TRIM27: variants seen among roughly 807,000 people sequenced by gnomAD.
TRIM27 encodes tripartite motif containing 27.
TRIM27 carries 12 observed loss-of-function variants against 57.6 expected under a neutral mutation model. The observed-to-expected ratio is 0.21, with a 90% CI of 0.13 to 0.34. The LOEUF (loss-of-function observed/expected upper bound fraction) is 0.34, where lower values mean the gene tolerates loss of function less well. Ranked by LOEUF, TRIM27 falls within the 10% of genes least tolerant of loss-of-function variation. The probability of loss-of-function intolerance (pLI) is 1.00; values close to 1 mark genes in which losing one functional copy is unlikely to be tolerated. For missense variants in TRIM27, 403 were observed against 656.8 expected, an observed-to-expected ratio of 0.61 and a Z score of 4.22; for synonymous variants, 266 against 259.0, an observed-to-expected ratio of 1.03 and a Z score of -0.26.
chr6:28,904,737 A>G lies in TRIM27; in HGVS notation c.947-72T>C. 2 of 1,101,266 alleles carry G rather than the reference A, an allele frequency of 1.8e-6. No individual in the cohort carries two copies. Among genetic ancestry groups the G allele is most frequent in the Non-Finnish European group, 2.6e-6 (2 of 783,028 alleles). 68.2% of individuals were successfully genotyped at this position (1,101,266 alleles called of 1,614,324 possible). A position where few individuals can be genotyped will look rare whatever the true frequency, so the allele number is the denominator to read the frequency against. ...ATTTTAGAACACCCAGCGCCTTTCT[A>G]CTACCTCCCCAATAATAAGAGGTTC... On this transcript the variant is annotated intron_variant, in intron 7 of 7. Coordinates refer to ENST00000377199, the MANE Select transcript of TRIM27 (RefSeq NM_006510.5). The surrounding 1 kb of genome is among the most constrained non-coding windows in gnomAD (Gnocchi z 6.1).
intron 4 of TRIM27, among the ~76,000 whole-genome samples, chr6:28,909,755 G>A (rs982357417): frequency 1.3e-5 from 2 of 152,188 alleles, no homozygotes; most frequent in Admixed American, 1.3e-4. Context: ...AGAATGACAT[G>A]TTCAGATAGA....
chr6:28,910,354 G>A (rs1041854996), intron 4 of TRIM27, among the ~76,000 whole-genome samples: 5 of 151,438 alleles, frequency 3.3e-5, no homozygotes, highest in African/African-American at 1.2e-4. Context: ...TTTTGAGAGG[G>A]AGTCAGGCTC....
At position 28,903,618 on chromosome 6, in the gene TRIM27, G is replaced by A; in HGVS notation, c.*452C>T. On this transcript the variant is annotated 3_prime_UTR_variant, in exon 8 of 8. Coordinates refer to ENST00000377199, the MANE Select transcript of TRIM27 (RefSeq NM_006510.5). ...CCCAGACGGAAAACTGGGATAAAGGGAGCCATGCTGACAGGGCCTTATTCC... is the reference window on the plus strand; with the variant it reads ...CCCAGACGGAAAACTGGGATAAAGGAAGCCATGCTGACAGGGCCTTATTCC... 1 of 243,240 alleles carries A rather than the reference G, an allele frequency of 4.1e-6. No homozygotes were observed. Among genetic ancestry groups the A allele is most frequent in the East Asian group, 6.0e-5 (1 of 16,802 alleles). 15.1% of individuals were successfully genotyped at this position (243,240 alleles called of 1,614,324 possible).
chr6:28,906,494 T>C (rs1772779653), intron 7 of TRIM27: 1 of 151,940 alleles, frequency 6.6e-6, no homozygotes, highest in African/African-American at 2.4e-5. Flanking sequence ...ACCCCAAGAG[T>C]AGGATGACTT....
intron 3 of TRIM27, among the ~76,000 whole-genome samples, chr6:28,913,269 AAT>A (rs1219781094): frequency 2.0e-4 from 27 of 135,538 alleles, no homozygotes; most frequent in South Asian, 6.9e-4. Context: ...AAAAAAAAAA[AAT>A]ATATATATAT....
At chr6:28,908,945 C>G in intron 5 of TRIM27, 28 bp downstream of exon 5, 6 of 1,603,556 alleles carry the variant, frequency 3.7e-6, no homozygotes, top group Non-Finnish European at 5.1e-6. Context: ...AAATCCATTT[C>G]CCCTCATGAC....
In TRIM27 at chr6:28,908,829, A is replaced by T; in HGVS notation, c.898T>A (p.Ser300Thr). 1.2e-6 allele frequency: 2 copies of T among 1,613,786 alleles called. No individual in the cohort carries two copies. Among genetic ancestry groups the T allele is most frequent in the Non-Finnish European group, 1.7e-6 (2 of 1,179,838 alleles). ...TTACCTTGGATTTTCTCCATATCTG[A>T]CTGCATTTTTTCTAAGAAAAGAAAA... Reference protein sequence around the residue: ...SLKQFTEKMQSDMEKIQELRE... With the variant: ...SLKQFTEKMQTDMEKIQELRE... The change falls in exon 6 of 8, where the codon TCA becomes ACA. Residue 300 changes from serine (S) to threonine (T), a missense_variant. Coordinates refer to ENST00000377199, the MANE Select transcript of TRIM27 (RefSeq NM_006510.5).
At chr6:28,912,946 T>C (rs1773316487) in intron 3 of TRIM27, among the ~76,000 whole-genome samples, 1 of 152,078 alleles carries the variant, frequency 6.6e-6, no homozygotes, top group East Asian at 1.9e-4. Context: ...GCAATTATTC[T>C]CCTCTAGTCA....
intron 3 of TRIM27, among the ~76,000 whole-genome samples, chr6:28,917,503 G>C (rs1350880644): frequency 6.6e-6 from 1 of 151,746 alleles, no homozygotes; most frequent in Non-Finnish European, 1.5e-5. Flanking sequence ...GCTTGAACTT[G>C]AGAGGGGGAT....
chr6:28,912,467 G>A (rs1409224805), intron 3 of TRIM27, among the ~76,000 whole-genome samples: 1 of 151,470 alleles, frequency 6.6e-6, no homozygotes, highest in Non-Finnish European at 1.5e-5. Flanking sequence ...GCTCACGCCT[G>A]GGCAACAAGA....
intron 6 of TRIM27, chr6:28,907,651 A>G (rs1006263630): frequency 1.9e-6 from 1 of 524,000 alleles, no homozygotes; most frequent in Non-Finnish European, 3.8e-6. Flanking sequence ...GAATGGCTCA[A>G]GTGACACTCA....
intron 4 of TRIM27, 102 bp from the exon 5 acceptor site, chr6:28,909,190 C>T: frequency 1.4e-6 from 1 of 723,320 alleles, no homozygotes. Context: ...CCACCGCAAC[C>T]TCTGCCTCCC....
In TRIM27 at chr6:28,904,686, C is replaced by T. The variant is rs1772633948; in HGVS notation, c.947-21G>A. The T allele has an allele frequency of 1.3e-6, 2 of 1,577,414 alleles. No individual in the cohort carries two copies. The highest frequency in any genetic ancestry group is 2.2e-5 in the East Asian group (1 of 44,526). ...GTCCACTGTAGAGACACAAGGAAGA[C>T]AGTCAGCCGTGGGCCAGGAGAGCCT... On this transcript the variant is annotated intron_variant, in intron 7 of 7. Transcript: ENST00000377199. This position sits in a 1 kb window ranked among gnomAD's most constrained non-coding sequence, Gnocchi z 6.1.
At chr6:28,921,759 T>C in intron 2 of TRIM27, 133 bp downstream of exon 2, 1 of 735,060 alleles carries the variant, frequency 1.4e-6, no homozygotes, top group East Asian at 2.5e-5. Flanking sequence ...GAGTTCCCAC[T>C]GCCATGTGCG....
Position 28,904,974 on chromosome 6 carries a change from G to A in TRIM27, c.947-309C>T, listed in dbSNP as rs1772655270. ...GTTGCCTAGGCTGGAGCGCAGTGGT[G>A]TGGTCATAGTTCATTGTAACCCCAA... On this transcript the variant is annotated intron_variant, in intron 7 of 7. Transcript: ENST00000377199. This position sits in a 1 kb window ranked among gnomAD's most constrained non-coding sequence, Gnocchi z 6.1. 8.5e-6 allele frequency: 3 copies of A among 354,560 alleles called. No individual in the cohort carries two copies. Among genetic ancestry groups the A allele is most frequent in the Non-Finnish European group, 1.5e-5 (3 of 195,016 alleles). 22.0% of individuals were successfully genotyped at this position (354,560 alleles called of 1,614,324 possible).
At chr6:28,909,646 A>G (rs188992185) in intron 4 of TRIM27, among the ~76,000 whole-genome samples, 10 of 152,324 alleles carry the variant, frequency 6.6e-5, no homozygotes, top group Non-Finnish European at 1.2e-4. Context: ...ACTGAATTAC[A>G]TATGAGGCTG....
chr6:28,907,133 A>C, intron 7 of TRIM27, 103 bp downstream of exon 7: 1 of 1,135,768 alleles, frequency 8.8e-7, no homozygotes. Flanking sequence ...ATGTAACCAA[A>C]AGAATCCAAA....
At chr6:28,916,319 G>A (rs1250009262) in intron 3 of TRIM27, among the ~76,000 whole-genome samples, 1 of 152,080 alleles carries the variant, frequency 6.6e-6, no homozygotes, top group Non-Finnish European at 1.5e-5. Flanking sequence ...TTGGGAGGCT[G>A]AGGTGGGTGG....
chr6:28,920,830 A>G (rs1001288971), intron 2 of TRIM27, among the ~76,000 whole-genome samples: 4 of 152,160 alleles, frequency 2.6e-5, no homozygotes, highest in African/African-American at 9.7e-5. Flanking sequence ...AGGGTCAGAT[A>G]TGTGCCCTAT....
Sources: gnomAD v4.1 joint callset for allele counts (sites outside exome capture counted in the v4.1 genomes callset) on GRCh38, gnomAD v4.1.1 for gene constraint, Gnocchi (gnomAD v3.1) non-coding constraint, MANE v1.5 for transcripts, NCBI Gene and HGNC (gene_info 2026-07-23, HGNC 2026-07-21) for gene names.